The following DNAJC10 variants were observed in gnomAD, a reference collection of about 807,000 sequenced individuals.
DNAJC10 encodes the protein endoplasmic reticulum disulfide reductase DNAJC10.
Under a neutral mutation model 115.0 loss-of-function variants are expected in DNAJC10, and 101 were observed. The ratio of observed to expected loss-of-function variants is 0.88; its 90% CI spans 0.75 to 1.04. The LOEUF is 1.04. DNAJC10 is among the 50% of genes least tolerant of loss of function. DNAJC10 has a pLI of 0.00. For synonymous variants in DNAJC10, 307 were observed against 301.5 expected (o/e 1.02, Z -0.19); for missense variants, 981 against 928.8 (o/e 1.06, Z -0.73).
At chr2:182,757,625 A>G in intron 18 of DNAJC10, 67 bp from the exon 19 acceptor site, 2 of 1,233,194 alleles carry the variant, frequency 1.6e-6, no homozygotes, top group Non-Finnish European at 2.2e-6. Flanking sequence ...ATAATAATAC[A>G]ATGCTTATTT....
In DNAJC10 at chr2:182,788,763, A is replaced by G. The variant is rs1559035922; in HGVS notation, c.*11631A>G. The G allele has an allele frequency of 2.2e-6, 1 of 452,222 alleles. No homozygotes were observed. The highest frequency in any genetic ancestry group is 2.4e-5 in the Admixed American group (1 of 41,482). The allele number at this position is 452,222 out of a possible 1,614,324, so 28.0% of individuals were successfully genotyped here. ...ACTTGGGAAAACGGAAAGGTAGACT[A>G]TTCAGAAGTTTTCTAAAATGGACTT... On this transcript the variant is annotated 3_prime_UTR_variant, in exon 24 of 24. Transcript: ENST00000264065.
At chr2:182,745,826 G>A (rs933443054) in intron 14 of DNAJC10, among the ~76,000 whole-genome samples, 7 of 151,534 alleles carry the variant, frequency 4.6e-5, no homozygotes, top group Non-Finnish European at 2.9e-5. Flanking sequence ...CCATGCTGGT[G>A]CGCTGCACCC....
At chr2:182,759,036 G>A in intron 20 of DNAJC10, 124 bp from the exon 21 acceptor site, 1 of 1,024,034 alleles carries the variant, frequency 9.8e-7, no homozygotes, top group Non-Finnish European at 1.4e-6. Flanking sequence ...AGATAGTACT[G>A]TACTTTATTA....
intron 23 of DNAJC10, among the ~76,000 whole-genome samples, chr2:182,775,756 T>C (rs565405907): frequency 9.2e-5 from 14 of 152,334 alleles, no homozygotes; most frequent in African/African-American, 3.4e-4. Flanking sequence ...GGTGTATCCA[T>C]TGAATAGAAT....
At chr2:182,728,817 GA>G in intron 6 of DNAJC10, 45 bp from the exon 7 acceptor site, 1 of 1,609,122 alleles carries the variant, frequency 6.2e-7, no homozygotes, top group Non-Finnish European at 8.5e-7. Context: ...TTCAAGGGAA[GA>G]AAAGTGGTCT....
rs774863307 is a variant in DNAJC10 at position 182,751,611 on chromosome 2, A to G, written c.1307-47A>G. 1.9e-6 allele frequency: 3 copies of G among 1,594,318 alleles called. No individual in the cohort carries two copies. The East Asian group carries it at 6.7e-5, about 36-fold the overall frequency. On this transcript the variant is annotated intron_variant, in intron 14 of 23. Coordinates refer to ENST00000264065, the MANE Select transcript of DNAJC10 (RefSeq NM_018981.4). ...AAAACTTTGAAATGTCTCTGTGCAT[A>G]CAAAAAGCAGAATTTGGATTTGAAT... is the stretch of plus-strand genomic sequence containing the variant.
At position 182,718,108 on chromosome 2, in the gene DNAJC10, G is replaced by A; in HGVS notation, c.22G>A (p.Asp8Asn). 6.2e-7 allele frequency: 1 copy of A among 1,605,608 alleles called. No homozygotes were observed. Among genetic ancestry groups the A allele is most frequent in the Non-Finnish European group, 8.5e-7 (1 of 1,176,012 alleles). Residue 8 changes from aspartate (D) to asparagine (N), a missense_variant, in exon 3 of 24, where the codon GAT becomes AAT. By Grantham distance (23) the Asp-to-Asn change is conservative. Coordinates refer to ENST00000264065, the MANE Select transcript of DNAJC10 (RefSeq NM_018981.4). ...GAGAATGGGAGTCTGGTTAAATAAAGATGACTATATCAGAGACTTGAAAAG... is the reference window on the plus strand; with the variant it reads ...GAGAATGGGAGTCTGGTTAAATAAAAATGACTATATCAGAGACTTGAAAAG... MGVWLNK[D>N]DYIRDLKRII...
At chr2:182,755,167 A>T in intron 17 of DNAJC10, 63 bp downstream of exon 17, 1 of 961,464 alleles carries the variant, frequency 1.0e-6, no homozygotes, top group Admixed American at 1.8e-5. Context: ...CCCTGTATGA[A>T]TGTTTCATAT....
chr2:182,725,748 C>T (rs1375435237), intron 5 of DNAJC10, among the ~76,000 whole-genome samples: 1 of 152,054 alleles, frequency 6.6e-6, no homozygotes, highest in African/African-American at 2.4e-5. Context: ...CAGCAAGTCC[C>T]GACATAGAAG....
At chr2:182,751,598 T>C (rs904379540) in intron 14 of DNAJC10, 60 bp from the exon 15 acceptor site, 4 of 1,552,028 alleles carry the variant, frequency 2.6e-6, no homozygotes, top group Non-Finnish European at 2.6e-6. Flanking sequence ...AACTTTGAAA[T>C]GTCTCTGTGC....
chr2:182,766,386 G>C (rs1366312976), intron 22 of DNAJC10, among the ~76,000 whole-genome samples: 1 of 152,142 alleles, frequency 6.6e-6, no homozygotes. Context: ...TCTTGTGCTG[G>C]AAGAAACAAA....
rs753060113 is a variant in DNAJC10, at chr2:182,732,507, A to G, written c.814A>G (p.Thr272Ala). ...GGTTTTTTTGTCCCCAGATTGTTTG[A>G]CTTCACAGACACGACTCAGGCTTAG... ...TFCSKGGDCL[T>A]SQTRLRLSGM... is the part of the protein sequence containing the mutation. The change falls in exon 10 of 24, where the codon ACT (threonine) becomes GCT (alanine). Residue 272 changes from threonine (T) to alanine (A), a missense_variant. Physicochemically the swap from Thr to Ala is moderately conservative, Grantham distance 58. Coordinates refer to ENST00000264065, the MANE Select transcript of DNAJC10 (RefSeq NM_018981.4). The G allele has an allele frequency of 1.4e-5, 22 of 1,613,386 alleles. No individual in the cohort carries two copies. In the East Asian group the frequency reaches 4.5e-4, roughly 33 times the overall value.
intron 14 of DNAJC10, among the ~76,000 whole-genome samples, chr2:182,744,338 A>G (rs1001039934): frequency 2.6e-5 from 4 of 152,174 alleles, no homozygotes; most frequent in Non-Finnish European, 5.9e-5. Flanking sequence ...ACTGCTTTCA[A>G]TGTTGAGGAT....
In DNAJC10 at chr2:182,779,795, G is replaced by A. The variant is rs1414606810; in HGVS notation, c.*2663G>A. 6 of 151,914 alleles carry A rather than the reference G, an allele frequency of 3.9e-5. No individual in the cohort carries two copies. The East Asian group carries it at 5.8e-4, about 15-fold the overall frequency. 9.4% of individuals were successfully genotyped at this position (151,914 alleles called of 1,614,324 possible). A position where few individuals can be genotyped will look rare whatever the true frequency, so the allele number is the denominator to read the frequency against. On this transcript the variant is annotated 3_prime_UTR_variant, in exon 24 of 24. Coordinates refer to ENST00000264065, the MANE Select transcript of DNAJC10 (RefSeq NM_018981.4). ...AAAGTGGGAATTTTTTTAGAAGTAC[G>A]GTTATCAAAAAAACACATTTCCTAT...
rs1574960037 is a variant in DNAJC10 at position 182,773,217 on chromosome 2, G to A, written c.2266-2099G>A. Among the ~76,000 whole-genome samples, 2 of 152,162 alleles carry A rather than the reference G, an allele frequency of 1.3e-5. 1 individual carries two copies. Among genetic ancestry groups the A allele is most frequent in the East Asian group, 3.8e-4 (2 of 5,198 alleles). ...GAGAGATCTGCTGTTAGTCTGATGG[G>A]CTTCCCTTTGAGGGTAACTCGACCT... On this transcript the variant is annotated intron_variant, in intron 22 of 23. Coordinates refer to ENST00000264065, the MANE Select transcript of DNAJC10 (RefSeq NM_018981.4).
rs770945611 is a variant in DNAJC10 at position 182,731,083 on chromosome 2, A to T, written c.781A>T (p.Ile261Phe). 8.7e-6 allele frequency: 14 copies of T among 1,612,696 alleles called. No homozygotes were observed. The highest frequency in any genetic ancestry group is 1.2e-5 in the Non-Finnish European group (14 of 1,179,378). The part of the protein sequence containing the change: ...TAFAAGIGWL[I>F]TFCSKGGDCL... ...TTTTGCTGCTGGTATTGGCTGGCTG[A>T]TCACTTTTTGTTCAAAAGGAGGAGG... The change falls in exon 9 of 24, where the codon ATC becomes TTC. Residue 261 changes from isoleucine (I) to phenylalanine (F), a missense_variant. Transcript: ENST00000264065.
rs149027023 is a variant in DNAJC10, at chr2:182,738,634, G to A, written c.988-1665G>A. ...CCACTCACTGCAAGCTCCACCTCCC[G>A]GGTTCACACCATTCTCCTGCCTCAG... On this transcript the variant is annotated intron_variant, in intron 11 of 23. Transcript: ENST00000264065. Among the ~76,000 whole-genome samples, 505 of 151,762 alleles carry A rather than the reference G, an allele frequency of 3.3e-3. 1 individual carries two copies. Among genetic ancestry groups the A allele is most frequent in the African/African-American group, 0.011 (462 of 41,372 alleles).
rs1694999998 is a variant in DNAJC10 at position 182,788,931 on chromosome 2, CA to C, written c.*11803del. 1 of 407,764 alleles carries C rather than the reference CA, an allele frequency of 2.5e-6. No homozygotes were observed. The highest frequency in any genetic ancestry group is 3.1e-5 in the Admixed American group (1 of 31,746). The allele number at this position is 407,764 out of a possible 1,614,324, so 25.3% of individuals were successfully genotyped here. ...TTAAATTGTGATAAAGTACATGTAA[CA>C]AAATTTATTAATCATTTTAAAGTAG... is the stretch of plus-strand genomic sequence containing the variant. On this transcript the variant is annotated 3_prime_UTR_variant, in exon 24 of 24. Coordinates refer to ENST00000264065, the MANE Select transcript of DNAJC10 (RefSeq NM_018981.4).
chr2:182,728,558 C>T lies in DNAJC10; in HGVS notation c.419-18C>T, dbSNP rs910055549. On this transcript the variant is annotated intron_variant, in intron 5 of 23. Transcript: ENST00000264065. ...TTAATAAATAATTCTAAGTTGTTTG[C>T]ATTTTATGTATTTTTAGATGCTGCT... 1 of 1,565,344 alleles carries T rather than the reference C, an allele frequency of 6.4e-7. No individual in the cohort carries two copies. Among genetic ancestry groups the T allele is most frequent in the Non-Finnish European group, 8.8e-7 (1 of 1,139,536 alleles).
Sources: gnomAD v4.1 joint callset for allele counts (sites outside exome capture counted in the v4.1 genomes callset) on GRCh38, gnomAD v4.1.1 for gene constraint, MANE v1.5 for transcripts, NCBI Gene and HGNC (gene_info 2026-07-23, HGNC 2026-07-21) for gene names.